The following ROBO2 variants were observed in gnomAD, a reference collection of about 807,000 sequenced individuals.
ROBO2 encodes roundabout homolog 2.
Under a neutral mutation model 160.8 loss-of-function variants are expected in ROBO2, and 53 were observed. The ratio of observed to expected loss-of-function variants is 0.33; its 90% CI spans 0.26 to 0.41. The LOEUF (loss-of-function observed/expected upper bound fraction) is 0.41. ROBO2 is among the 10% of genes least tolerant of loss of function. The pLI is 1.00. For missense variants in ROBO2, 1,577 were observed against 1,722.4 expected, an observed-to-expected ratio of 0.92 and a Z score of 1.49; for synonymous variants, 664 against 611.7, an observed-to-expected ratio of 1.09 and a Z score of -1.26.
At chr3:76,003,908 G>A (rs559858325) in intron 2 of ROBO2, among the ~76,000 whole-genome samples, 201 of 152,244 alleles carry the variant, frequency 1.3e-3, no homozygotes, top group African/African-American at 4.7e-3. Flanking sequence ...CTACTAGGAT[G>A]GCTATAATAA....
At chr3:77,005,024 CG>C (rs1408533704) in intron 2 of ROBO2, among the ~76,000 whole-genome samples, 5 of 147,694 alleles carry the variant, frequency 3.4e-5, no homozygotes, top group African/African-American at 7.6e-5. Context: ...ACCATGGCTT[CG>C]GGGCTGCTAA....
chr3:77,472,630 C>A (rs2083471347), intron 2 of ROBO2, among the ~76,000 whole-genome samples: 1 of 152,048 alleles, frequency 6.6e-6, no homozygotes, highest in Non-Finnish European at 1.5e-5. Flanking sequence ...CCACCTCACC[C>A]CATGGAGATT....
intron 2 of ROBO2, among the ~76,000 whole-genome samples, chr3:77,113,654 C>T (rs1022284992): frequency 2.0e-5 from 3 of 152,082 alleles, no homozygotes; most frequent in South Asian, 2.1e-4. Flanking sequence ...AGACAAGGAG[C>T]GGTCTAGTTA....
Position 77,506,533 on chromosome 3 carries a change from G to C in ROBO2, c.806+13151G>C, listed in dbSNP as rs59773770. On this transcript the variant is annotated intron_variant, in intron 5 of 25. Coordinates refer to ENST00000461745, the Ensembl canonical transcript of ROBO2. ...GGCAAATTTGCTTCCCCCATTTCCT[G>C]ATATACATTTGGCAATGTCTGGAGA... Among the ~76,000 whole-genome samples the C allele has an allele frequency of 8.3e-3, 1,258 of 152,126 alleles. 16 individuals are homozygous for C. Among genetic ancestry groups the C allele is most frequent in the African/African-American group, 0.027 (1,116 of 41,504 alleles).
chr3:77,078,890 T>A (rs1283525224), intron 1 of ROBO2, among the ~76,000 whole-genome samples: 2 of 152,174 alleles, frequency 1.3e-5, no homozygotes, highest in Non-Finnish European at 2.9e-5. Flanking sequence ...TTGTCTTTCA[T>A]ATCTTACTCT....
intron 2 of ROBO2, among the ~76,000 whole-genome samples, chr3:76,948,908 A>ATATATATATATATATATATT (rs1209284372): frequency 4.0e-5 from 1 of 24,970 alleles, no homozygotes; most frequent in Non-Finnish European, 6.7e-5. Flanking sequence ...ATATATATAT[A>ATATATATATATATATATATT]TTTTTTTTTT....
intron 1 of ROBO2, among the ~76,000 whole-genome samples, chr3:77,046,868 A>T (rs368472355): frequency 5.9e-5 from 9 of 152,218 alleles, no homozygotes; most frequent in African/African-American, 2.2e-4. Context: ...GACCTGTGAA[A>T]ATATTCCCAC....
At chr3:76,248,405 A>C (rs915089454) in intron 2 of ROBO2, among the ~76,000 whole-genome samples, 2 of 149,032 alleles carry the variant, frequency 1.3e-5, no homozygotes, top group Non-Finnish European at 3.0e-5. Context: ...AAAACCAAAC[A>C]CTGCATATTC....
At chr3:77,530,372 C>A (rs763770277) in intron 6 of ROBO2, among the ~76,000 whole-genome samples, 20 of 151,892 alleles carry the variant, frequency 1.3e-4, no homozygotes, top group Non-Finnish European at 2.8e-4. Context: ...GTGTAGAAAG[C>A]CCCCTTTAGA....
intron 2 of ROBO2, among the ~76,000 whole-genome samples, chr3:76,217,230 A>C (rs1183222931): frequency 6.6e-6 from 1 of 152,166 alleles, no homozygotes; most frequent in African/African-American, 2.4e-5. Flanking sequence ...TAAAATTGAC[A>C]CCCTAACATC....
chr3:77,284,546 G>T (rs2060454701), intron 2 of ROBO2, among the ~76,000 whole-genome samples: 1 of 152,142 alleles, frequency 6.6e-6, no homozygotes, highest in Admixed American at 6.5e-5. Context: ...TGGAGACTGA[G>T]AAGAGGGTTT....
intron 1 of ROBO2, among the ~76,000 whole-genome samples, chr3:77,086,216 T>C (rs575950402): frequency 9.9e-5 from 15 of 152,144 alleles, no homozygotes; most frequent in South Asian, 6.2e-4. Flanking sequence ...GAGACAGAGG[T>C]TATACTAATA....
At chr3:77,553,288 G>A (rs1201061215) in intron 8 of ROBO2, among the ~76,000 whole-genome samples, 1 of 151,846 alleles carries the variant, frequency 6.6e-6, no homozygotes, top group Non-Finnish European at 1.5e-5. Context: ...AACTTAACTG[G>A]TAAATGTGTG....
intron 1 of ROBO2, among the ~76,000 whole-genome samples, chr3:77,054,314 G>T (rs748460533): frequency 6.6e-6 from 1 of 152,098 alleles, no homozygotes; most frequent in Admixed American, 6.6e-5. Flanking sequence ...ACATATTAGG[G>T]CTTAATTAAG....
At chr3:76,562,788 C>T (rs983930968) in intron 2 of ROBO2, among the ~76,000 whole-genome samples, 1 of 151,996 alleles carries the variant, frequency 6.6e-6, no homozygotes, top group African/African-American at 2.4e-5. Context: ...CTAATTCTAC[C>T]TTTATTCTTT....
At chr3:76,741,110 T>G (rs1277757849) in intron 2 of ROBO2, among the ~76,000 whole-genome samples, 1 of 152,166 alleles carries the variant, frequency 6.6e-6, no homozygotes, top group South Asian at 2.1e-4. Flanking sequence ...TCTAATCTCA[T>G]TGCTTTGGTG....
intron 2 of ROBO2, among the ~76,000 whole-genome samples, chr3:76,847,972 T>C (rs1319109054): frequency 6.6e-6 from 1 of 152,098 alleles, no homozygotes. Flanking sequence ...TTAAAAACCT[T>C]TGGGTGATCC....
At chr3:77,460,087 G>C (rs995263077) in intron 2 of ROBO2, among the ~76,000 whole-genome samples, 1 of 152,062 alleles carries the variant, frequency 6.6e-6, no homozygotes, top group Admixed American at 6.6e-5. Context: ...TGAGTTGGCT[G>C]CTGTGTACTC....
intron 2 of ROBO2, among the ~76,000 whole-genome samples, chr3:76,626,303 A>G (rs909759893): frequency 6.6e-6 from 1 of 152,208 alleles, no homozygotes. Context: ...ACTTCTGGGG[A>G]GTGGTGTGCG....
Sources: allele counts gnomAD v4.1 joint callset (sites outside exome capture counted in the v4.1 genomes callset), GRCh38; gene constraint gnomAD v4.1.1; transcripts MANE v1.5; gene names NCBI Gene and HGNC (gene_info 2026-07-23, HGNC 2026-07-21).